The following SULF2 variants were observed in gnomAD, a reference collection of about 807,000 sequenced individuals.
SULF2 encodes the protein sulfatase 2, also known as extracellular sulfatase Sulf-2.
In SULF2, 52 loss-of-function variants were observed where a neutral mutation model predicts 107.7. The ratio of observed to expected loss-of-function variants is 0.48; its 90% confidence interval spans 0.39 to 0.61. The LOEUF (loss-of-function observed/expected upper bound fraction) is 0.61, where lower values mean the gene tolerates loss of function less well. SULF2 is among the 20% of genes least tolerant of loss of function. The pLI is 0.00. For synonymous variants in SULF2, 460 were observed against 464.3 expected (o/e 0.99, Z 0.12); for missense variants, 993 against 1,177.3 (o/e 0.84, Z 2.29).
Position 47,741,741 on chromosome 20 carries a change from C to T in SULF2, c.176-4799G>A, listed in dbSNP as rs562718270. Among the ~76,000 whole-genome samples, 8 of 152,302 alleles carry T rather than the reference C, an allele frequency of 5.3e-5. No homozygotes were observed. In the South Asian group the frequency reaches 1.7e-3, roughly 32 times the overall value. On this transcript the variant is annotated intron_variant, in intron 2 of 20. Coordinates refer to ENST00000688720, the MANE Select transcript of SULF2 (RefSeq NM_001387048.1). ...AGCTGGTAGTGAGAGCTCAGCCTCT[C>T]TCGGTCTCCAGACCCTGCAGAAAGG...
chr20:47,663,370 G>C, intron 16 of SULF2, 83 bp downstream of exon 16: 1 of 1,585,174 alleles, frequency 6.3e-7, no homozygotes, highest in African/African-American at 1.3e-5. Context: ...CCCCCTTTCT[G>C]AGAGAGGTCT....
chr20:47,697,764 G>A (rs2088432301), intron 4 of SULF2, among the ~76,000 whole-genome samples: 2 of 152,206 alleles, frequency 1.3e-5, no homozygotes, highest in Non-Finnish European at 2.9e-5. Context: ...AAGGACGGAC[G>A]TTCTATGTCC....
intron 11 of SULF2, among the ~76,000 whole-genome samples, chr20:47,669,882 C>T (rs1037248017): frequency 5.3e-5 from 8 of 152,140 alleles, no homozygotes; most frequent in African/African-American, 9.7e-5. Context: ...TAAAGATTAT[C>T]GACTGTGCCA....
At chr20:47,668,039 C>G (rs181181654) in intron 11 of SULF2, among the ~76,000 whole-genome samples, 1 of 152,374 alleles carries the variant, frequency 6.6e-6, no homozygotes, top group Admixed American at 6.5e-5. Flanking sequence ...GGGCACTTCT[C>G]TCCCTCGGTT....
intron 2 of SULF2, among the ~76,000 whole-genome samples, chr20:47,737,764 T>TG (rs1478608153): frequency 4.5e-5 from 6 of 134,470 alleles, no homozygotes; most frequent in South Asian, 2.6e-4. Flanking sequence ...TGTTTTTTTT[T>TG]TTTTTTTTTT....
chr20:47,662,778 C>A (rs1481320900), intron 17 of SULF2, among the ~76,000 whole-genome samples: 1 of 137,104 alleles, frequency 7.3e-6, no homozygotes, highest in East Asian at 2.0e-4. Context: ...TGTTAGGAGT[C>A]TTCACAAGTT....
chr20:47,715,321 T>C (rs1199811940), intron 3 of SULF2, among the ~76,000 whole-genome samples: 1 of 152,076 alleles, frequency 6.6e-6, no homozygotes, highest in South Asian at 2.1e-4. Context: ...TCCCCCGACA[T>C]TGCTTCTCCA....
chr20:47,720,004 A>T (rs1201505167), intron 3 of SULF2, among the ~76,000 whole-genome samples: 9 of 152,160 alleles, frequency 5.9e-5, no homozygotes, highest in Admixed American at 5.9e-4. Context: ...GTTGCCCAGG[A>T]TGGAGTGCCA....
At chr20:47,665,099 T>C (rs1187103550) in intron 14 of SULF2, 100 bp downstream of exon 14, 4 of 817,426 alleles carry the variant, frequency 4.9e-6, no homozygotes, top group African/African-American at 1.7e-5. Flanking sequence ...AAGATAAAGA[T>C]AAAAATAAAA....
intron 2 of SULF2, among the ~76,000 whole-genome samples, chr20:47,740,694 C>T (rs761194851): frequency 3.9e-5 from 6 of 152,132 alleles, no homozygotes; most frequent in African/African-American, 9.7e-5. Context: ...AGTAAATAAT[C>T]GTACAAGTGG....
intron 2 of SULF2, among the ~76,000 whole-genome samples, chr20:47,745,293 T>C (rs2089979536): frequency 6.7e-6 from 1 of 148,632 alleles, no homozygotes; most frequent in Non-Finnish European, 1.5e-5. Flanking sequence ...CTTGTGCAAA[T>C]GATTTAGCCA....
At chr20:47,677,467 A>G (rs2087687936) in intron 8 of SULF2, among the ~76,000 whole-genome samples, 1 of 151,552 alleles carries the variant, frequency 6.6e-6, no homozygotes. Context: ...CAGGAAGCCC[A>G]GCAACTCCCC....
At chr20:47,698,949 T>G (rs1362506778) in intron 4 of SULF2, among the ~76,000 whole-genome samples, 1 of 152,120 alleles carries the variant, frequency 6.6e-6, no homozygotes, top group Non-Finnish European at 1.5e-5. Context: ...GAGAATCACA[T>G]GAACCCAGGA....
At chr20:47,736,627 T>C in intron 3 of SULF2, 76 bp downstream of exon 3, 2 of 1,566,306 alleles carry the variant, frequency 1.3e-6, no homozygotes, top group African/African-American at 2.7e-5. Context: ...GGTACCGCAG[T>C]GGTGTGCAGA....
chr20:47,708,597 C>A (rs1277196364), intron 3 of SULF2, among the ~76,000 whole-genome samples: 1 of 152,186 alleles, frequency 6.6e-6, no homozygotes, highest in Non-Finnish European at 1.5e-5. Flanking sequence ...CCTCAGTTTG[C>A]AGAAAAGTGA....
intron 3 of SULF2, among the ~76,000 whole-genome samples, chr20:47,713,477 GGTTT>G (rs1413028112): frequency 1.1e-4 from 16 of 152,144 alleles, no homozygotes; most frequent in African/African-American, 3.9e-4. Flanking sequence ...TAAAGAGCTT[GGTTT>G]GCAGAGTCAG....
At chr20:47,664,222 G>T in intron 14 of SULF2, 33 bp from the exon 15 acceptor site, 2 of 1,599,092 alleles carry the variant, frequency 1.3e-6, no homozygotes, top group East Asian at 2.2e-5. Context: ...CAGGCTTCAG[G>T]AGTGGCTCAG....
intron 2 of SULF2, among the ~76,000 whole-genome samples, chr20:47,745,398 AAAAAAAAAAAAAATATATATATATAT>A (rs1194999861): frequency 1.7e-4 from 5 of 29,400 alleles, no homozygotes; most frequent in African/African-American, 8.3e-4. Context: ...AAAAAAAAAA[AAAAAAAAAAAAAATATATATATATAT>A]ATATATATAT....
rs1602575634 is a variant in SULF2 at position 47,661,989 on chromosome 20, G to A, written c.2371-93C>T. ...CCAGGGGACATATTTCAGGCAGGTG[G>A]CGGGTGGAAGGTGCTAGGGGCTGGT... On this transcript the variant is annotated intron_variant, in intron 17 of 20. Coordinates refer to ENST00000688720, the MANE Select transcript of SULF2 (RefSeq NM_001387048.1). 6 of 1,311,562 alleles carry A rather than the reference G, an allele frequency of 4.6e-6. No homozygotes were observed. The East Asian group carries it at 1.1e-4, about 24-fold the overall frequency. 81.2% of individuals were successfully genotyped at this position (1,311,562 alleles called of 1,614,324 possible). A position where few individuals can be genotyped will look rare whatever the true frequency, so the allele number is the denominator to read the frequency against.
Sources: allele counts gnomAD v4.1 joint callset (sites outside exome capture counted in the v4.1 genomes callset), GRCh38; gene constraint gnomAD v4.1.1; transcripts MANE v1.5; gene names NCBI Gene and HGNC (gene_info 2026-07-23, HGNC 2026-07-21).